PLCH2: variants seen among roughly 807,000 people sequenced by gnomAD.
PLCH2 encodes the protein phospholipase C eta 2.
PLCH2 carries 98 observed loss-of-function variants against 134.7 expected under a neutral mutation model. The observed-to-expected ratio is 0.73, with a 90% CI of 0.62 to 0.86. The LOEUF is 0.86. Ranked by LOEUF, PLCH2 falls within the 40% of genes least tolerant of loss-of-function variation. The pLI is 0.00. For missense variants in PLCH2, 1,994 were observed against 1,986.6 expected, an observed-to-expected ratio of 1.00 and a Z score of -0.07; for synonymous variants, 974 against 827.5, an observed-to-expected ratio of 1.18 and a Z score of -3.04.
intron 2 of PLCH2, among the ~76,000 whole-genome samples, chr1:2,457,445 G>T (rs2100574404): frequency 6.6e-6 from 1 of 152,310 alleles, no homozygotes; most frequent in East Asian, 1.9e-4. Flanking sequence ...TGCCACTGCA[G>T]CTTCTCGCCA....
At chr1:2,425,146 G>C (rs191684445), upstream of PLCH2, among the ~76,000 whole-genome samples, 2 of 140,902 alleles carry the variant, frequency 1.4e-5, no homozygotes, top group African/African-American at 2.7e-5. Context: ...CTAGGCGATA[G>C]AGTGTGACAC....
rs574563594 is a variant in PLCH2, at chr1:2,504,689, G to T, written c.3727G>T (p.Val1243Leu). 1 of 1,612,632 alleles carries T rather than the reference G, an allele frequency of 6.2e-7. No individual in the cohort carries two copies. The highest frequency in any genetic ancestry group is 2.2e-5 in the East Asian group (1 of 44,876). Residue 1243 changes from valine (V) to leucine (L), a missense_variant, in exon 22 of 22, where the codon GTG becomes TTG. Around this residue, in one of 2 missense-constraint regions of PLCH2, gnomAD observed 900 missense variants for 752.3 expected, o/e 1.20. Transcript: ENST00000378486. ...GCCTCCCTGGGGCTGCCTTTCCCTG[G>T]TGGGCGTGCAGGACTGCCCCGTGGC... is the stretch of plus-strand genomic sequence containing the variant. ...FRPPWGCLSLVGVQDCPVAAK... is the reference protein window; with the variant it reads ...FRPPWGCLSLLGVQDCPVAAK...
intron 5 of PLCH2, among the ~76,000 whole-genome samples, chr1:2,484,820 G>GC (rs1264560060): frequency 1.3e-5 from 2 of 152,172 alleles, no homozygotes; most frequent in Non-Finnish European, 2.9e-5. Flanking sequence ...GCATTTGAGA[G>GC]CCCCCCAAGT....
chr1:2,438,660 T>A (rs1570253512), intron 2 of PLCH2, among the ~76,000 whole-genome samples: 1 of 152,088 alleles, frequency 6.6e-6, no homozygotes, highest in Non-Finnish European at 1.5e-5. Flanking sequence ...CTAGGGCAGG[T>A]GAAGGTCCCT....
chr1:2,479,449 G>A, intron 2 of PLCH2: 1 of 373,890 alleles, frequency 2.7e-6, no homozygotes, highest in South Asian at 3.8e-5. Context: ...GGCCAGCCGG[G>A]CACTGGGGGC....
chr1:2,454,861 A>C (rs1419379383), intron 2 of PLCH2, among the ~76,000 whole-genome samples: 1 of 152,148 alleles, frequency 6.6e-6, no homozygotes, highest in Non-Finnish European at 1.5e-5. Context: ...TGGGTGAGAC[A>C]GAGCAGGTGG....
intron 21 of PLCH2, chr1:2,503,555 T>C: frequency 1.1e-5 from 5 of 441,262 alleles, no homozygotes; most frequent in Admixed American, 2.8e-5. Context: ...CACACCACCC[T>C]GCCCCTCCAG....
chr1:2,474,565 C>T (rs1282291089), upstream of PLCH2, among the ~76,000 whole-genome samples: 1 of 151,508 alleles, frequency 6.6e-6, no homozygotes. Context: ...TGGCGGCCTC[C>T]AAGCCCTAAC....
chr1:2,430,818 G>A lies in PLCH2; in HGVS notation c.115+189G>A, dbSNP rs185109562. Among the ~76,000 whole-genome samples the A allele has an allele frequency of 1.8e-3, 271 of 152,358 alleles. 7 individuals carry two copies. Among genetic ancestry groups the A allele is most frequent in the Admixed American group, 0.017 (260 of 15,298 alleles). Reference sequence around the variant, plus strand: ...ACCCCAGGGCAGGTGGGGCCGCCACGTGCAGAGGAGCCTGGCGTGCAATTC... The same window carrying A: ...ACCCCAGGGCAGGTGGGGCCGCCACATGCAGAGGAGCCTGGCGTGCAATTC... On this transcript the variant is annotated intron_variant, in intron 2 of 3. Coordinates refer to the PLCH2 transcript ENST00000609981.
At chr1:2,435,660 C>T (rs1465589575) in intron 2 of PLCH2, among the ~76,000 whole-genome samples, 1 of 152,094 alleles carries the variant, frequency 6.6e-6, no homozygotes, top group Non-Finnish European at 1.5e-5. Context: ...CACAGCACGC[C>T]TGGCCTGTTG....
the PLCH2 span, among the ~76,000 whole-genome samples, chr1:2,419,327 C>T: frequency 6.6e-6 from 1 of 152,242 alleles, no homozygotes; most frequent in Non-Finnish European, 1.5e-5. Flanking sequence ...GCACCCCTGG[C>T]TCAGCCGTGC....
chr1:2,459,806 C>T (rs1270883461), intron 2 of PLCH2, among the ~76,000 whole-genome samples: 1 of 152,260 alleles, frequency 6.6e-6, no homozygotes, highest in Admixed American at 6.5e-5. Flanking sequence ...GGAATACGCT[C>T]CTGAGTAATT....
chr1:2,436,674 A>T (rs1557944391), intron 2 of PLCH2, among the ~76,000 whole-genome samples: 1 of 152,206 alleles, frequency 6.6e-6, no homozygotes, highest in East Asian at 1.9e-4. Context: ...CTGGAGAGGC[A>T]GGGGTGGGTG....
chr1:2,499,241 G>T lies in PLCH2; in HGVS notation c.2581+11G>T. On this transcript the variant is annotated intron_variant, in intron 19 of 21. Transcript: ENST00000378486. ...GCAGCATGATGCCAGGTGGGCAGGA[G>T]TGGACACGGTGCCCCCCACACTGGC... 4 of 1,612,140 alleles carry T rather than the reference G, an allele frequency of 2.5e-6. No individual in the cohort carries two copies. The highest frequency in any genetic ancestry group is 3.4e-6 in the Non-Finnish European group (4 of 1,179,538).
At chr1:2,429,495 C>T (rs752472724) in intron 1 of PLCH2, among the ~76,000 whole-genome samples, 14 of 152,118 alleles carry the variant, frequency 9.2e-5, no homozygotes, top group Middle Eastern at 3.2e-3. Context: ...GGTGGAAAGG[C>T]GGGTTCTGGG....
chr1:2,502,225 C>T lies in PLCH2; in HGVS notation c.2775C>T (p.Ile925=). The T allele has an allele frequency of 1.3e-6, 2 of 1,541,070 alleles. No individual in the cohort carries two copies. The highest frequency in any genetic ancestry group is 1.7e-6 in the Non-Finnish European group (2 of 1,145,080). The change falls in exon 21 of 22, where the codon ATC becomes ATT. Residue 925 remains isoleucine, a synonymous_variant. Transcript: ENST00000378486. ...CCCGGCCCTCCGTTAGCCAGCGGAT[C>T]CTGCGGCGCACGGCCAGCGCCCCGA... ...PPARPSVSQR[I]LRRTASAPTK...
At chr1:2,460,382 G>C (rs968179503) in intron 2 of PLCH2, among the ~76,000 whole-genome samples, 2 of 152,254 alleles carry the variant, frequency 1.3e-5, no homozygotes, top group African/African-American at 2.4e-5. Flanking sequence ...ACACACAGCA[G>C]GTGGTTAGTA....
At chr1:2,477,837 A>G (rs12049628) in intron 1 of PLCH2, among the ~76,000 whole-genome samples, 95,603 of 152,212 alleles carry the variant, frequency 0.63, 30,210 homozygotes, top group East Asian at 0.81. Context: ...CTTGTTGCAC[A>G]TGAGGGGTGG....
In PLCH2 at chr1:2,498,899, G is replaced by A. The variant is rs536860793; in HGVS notation, c.2434+71G>A. On this transcript the variant is annotated intron_variant, in intron 18 of 21. Transcript: ENST00000378486. This position sits in a 1 kb window ranked among gnomAD's most constrained non-coding sequence, Gnocchi z 5.4. ...GGGGGGAGGGTTGGGGCTACCTGGT[G>A]TGCCCGGGTGCCCTGCCCAGGCCTC... The A allele has an allele frequency of 7.6e-5, 103 of 1,359,732 alleles. 1 individual carries two copies. In the South Asian group the frequency reaches 1.2e-3, roughly 16 times the overall value. 84.2% of individuals were successfully genotyped at this position (1,359,732 alleles called of 1,614,324 possible).
Sources: allele counts gnomAD v4.1 joint callset (sites outside exome capture counted in the v4.1 genomes callset), GRCh38; gene constraint gnomAD v4.1.1; regional missense constraint gnomAD v4.1.1; non-coding constraint Gnocchi (gnomAD v3.1); transcripts MANE v1.5; gene names NCBI Gene and HGNC (gene_info 2026-07-23, HGNC 2026-07-21).